Variants in SLIT3 observed in about 807,000 individuals in gnomAD.
The protein encoded by SLIT3 is slit guidance ligand 3, also known as slit homolog 3 protein.
Under a neutral mutation model 184.0 loss-of-function variants are expected in SLIT3, and 68 were observed. The ratio of observed to expected loss-of-function variants is 0.37; its 90% CI spans 0.30 to 0.45. SLIT3 has a LOEUF of 0.45. Ranked by LOEUF, SLIT3 falls within the 20% of genes least tolerant of loss-of-function variation. The probability of loss-of-function intolerance (pLI) is 1.00; values close to 1 mark genes in which losing one functional copy is unlikely to be tolerated. For missense variants in SLIT3, 1,707 were observed against 2,026.0 expected, an observed-to-expected ratio of 0.84 and a Z score of 3.02; for synonymous variants, 831 against 828.6, an observed-to-expected ratio of 1.00 and a Z score of -0.05.
At chr5:168,720,288 A>C (rs1336632960) in intron 23 of SLIT3, 2 of 152,256 alleles carry the variant, frequency 1.3e-5, no homozygotes, top group Non-Finnish European at 2.9e-5. Flanking sequence ...TGATGAACTC[A>C]TGGCAGTAGT....
chr5:169,189,530 AT>A (rs1242196935), intron 4 of SLIT3, among the ~76,000 whole-genome samples: 8 of 1,434 alleles, frequency 5.6e-3, no homozygotes, highest in Admixed American at 0.034. Context: ...TAGATGGGAT[AT>A]ATATATATAT....
intron 4 of SLIT3, among the ~76,000 whole-genome samples, chr5:169,133,894 A>AG (rs1252986338): frequency 6.6e-6 from 1 of 152,232 alleles, no homozygotes; most frequent in Admixed American, 6.5e-5. Flanking sequence ...GCATGGCATA[A>AG]TTACTGTTCC....
intron 32 of SLIT3, among the ~76,000 whole-genome samples, chr5:168,677,297 A>T (rs2113198727): frequency 6.6e-6 from 1 of 152,254 alleles, no homozygotes; most frequent in African/African-American, 2.4e-5. Context: ...TTAGTAAGAG[A>T]CAGGGGTCTT....
intron 5 of SLIT3, among the ~76,000 whole-genome samples, chr5:168,861,944 T>C (rs1386630064): frequency 2.0e-5 from 3 of 152,172 alleles, no homozygotes; most frequent in Non-Finnish European, 2.9e-5. Flanking sequence ...CTTTTAACAT[T>C]AGCAGCTGCT....
chr5:169,047,290 C>G (rs1191116688), intron 4 of SLIT3, among the ~76,000 whole-genome samples: 6 of 152,050 alleles, frequency 3.9e-5, no homozygotes, highest in Non-Finnish European at 5.9e-5. Flanking sequence ...CAGCTAAAAC[C>G]CTCATATTCA....
intron 3 of SLIT3, among the ~76,000 whole-genome samples, chr5:169,212,730 T>C (rs1309361210): frequency 6.6e-6 from 1 of 152,254 alleles, no homozygotes; most frequent in Non-Finnish European, 1.5e-5. Flanking sequence ...CTAAGTTTTC[T>C]TGCAGGGTTT....
At chr5:168,980,363 T>A (rs536633409) in intron 4 of SLIT3, among the ~76,000 whole-genome samples, 1 of 152,234 alleles carries the variant, frequency 6.6e-6, no homozygotes, top group East Asian at 1.9e-4. Flanking sequence ...GAAGGCTGCT[T>A]CCCACAGAAG....
chr5:169,017,047 A>G (rs905307561), intron 4 of SLIT3, among the ~76,000 whole-genome samples: 1 of 152,052 alleles, frequency 6.6e-6, no homozygotes, highest in African/African-American at 2.4e-5. Flanking sequence ...TTACTGCAGA[A>G]CTCTAGTATT....
Position 169,207,370 on chromosome 5 carries a change from T to TACACACAC in SLIT3, c.342-13828_342-13821dup, listed in dbSNP as rs56721949. Among the ~76,000 whole-genome samples the TACACACAC allele has an allele frequency of 1.5e-3, 194 of 131,894 alleles. 3 individuals carry two copies. Among genetic ancestry groups the TACACACAC allele is most frequent in the Middle Eastern group, 7.5e-3 (2 of 266 alleles). The allele number at this position is 131,894 out of a possible 152,430, so 86.5% of individuals were successfully genotyped here. A position where few individuals can be genotyped will look rare whatever the true frequency, so the allele number is the denominator to read the frequency against. On this transcript the variant is annotated intron_variant, in intron 3 of 35. Coordinates refer to ENST00000519560, the MANE Select transcript of SLIT3 (RefSeq NM_003062.4). ...TTTCTCTGTTTTACATACACATACA[T>TACACACAC]ACACACACACACACACACACACACA...
chr5:169,225,885 T>A (rs533669272), intron 3 of SLIT3, among the ~76,000 whole-genome samples: 317 of 152,282 alleles, frequency 2.1e-3, no homozygotes, highest in Non-Finnish European at 3.7e-3. Context: ...AAGCATAGTC[T>A]GTGTTTGGGA....
intron 3 of SLIT3, among the ~76,000 whole-genome samples, chr5:169,206,680 T>C (rs1398470676): frequency 6.6e-6 from 1 of 152,210 alleles, no homozygotes; most frequent in Non-Finnish European, 1.5e-5. Flanking sequence ...ACACTCAAAA[T>C]CTGCAAGATC....
At chr5:168,713,322 C>T (rs1762618664) in intron 23 of SLIT3, among the ~76,000 whole-genome samples, 1 of 152,174 alleles carries the variant, frequency 6.6e-6, no homozygotes, top group Non-Finnish European at 1.5e-5. Context: ...ACAGTGGTGC[C>T]ATATACTAAG....
intron 4 of SLIT3, among the ~76,000 whole-genome samples, chr5:168,978,458 C>T (rs1171893995): frequency 6.6e-6 from 1 of 152,176 alleles, no homozygotes; most frequent in African/African-American, 2.4e-5. Context: ...CTTTCTCCTC[C>T]TCCACCCTTT....
chr5:169,090,168 G>T (rs959054322), intron 4 of SLIT3, among the ~76,000 whole-genome samples: 10 of 152,182 alleles, frequency 6.6e-5, no homozygotes, highest in African/African-American at 2.4e-4. Flanking sequence ...CTGTCTGGCA[G>T]GAGATGAAAA....
In SLIT3 at chr5:168,935,353, C is replaced by T. The variant is rs1241874779; in HGVS notation, c.414-52017G>A. 2.0e-5 allele frequency among the ~76,000 whole-genome samples: 3 copies of T among 152,118 alleles called. No homozygotes were observed. The East Asian group carries it at 5.8e-4, about 29-fold the overall frequency. Reference sequence around the variant, plus strand: ...ACACTGTGCATTGAGGGCCTCTGGCCACACCCCCTCCAGGAAGCCTTCCCT... The same window carrying T: ...ACACTGTGCATTGAGGGCCTCTGGCTACACCCCCTCCAGGAAGCCTTCCCT... On this transcript the variant is annotated intron_variant, in intron 4 of 35. Transcript: ENST00000519560.
At chr5:168,760,750 A>C (rs1048247086) in intron 16 of SLIT3, 112 bp downstream of exon 16, 1 of 758,886 alleles carries the variant, frequency 1.3e-6, no homozygotes, top group Admixed American at 2.0e-5. Flanking sequence ...GAAGGCTGGG[A>C]GGGAGTGGAG....
At chr5:168,969,679 A>C (rs117562024) in intron 4 of SLIT3, among the ~76,000 whole-genome samples, 2,796 of 152,310 alleles carry the variant, frequency 0.018, 39 homozygotes, top group Middle Eastern at 0.031. Flanking sequence ...CAGCTTGATA[A>C]ATGGGAACGA....
chr5:168,709,252 C>T (rs1330256436), intron 25 of SLIT3, among the ~76,000 whole-genome samples: 1 of 152,030 alleles, frequency 6.6e-6, no homozygotes, highest in Non-Finnish European at 1.5e-5. Context: ...TGCGCCACCA[C>T]ACCTGGCTAA....
intron 6 of SLIT3, among the ~76,000 whole-genome samples, chr5:168,827,532 T>C (rs1757744974): frequency 6.6e-6 from 1 of 152,232 alleles, no homozygotes; most frequent in African/African-American, 2.4e-5. Flanking sequence ...CTCCACTTCC[T>C]GGGACCTTCC....
Sources: gnomAD v4.1 joint callset for allele counts (sites outside exome capture counted in the v4.1 genomes callset) on GRCh38, gnomAD v4.1.1 for gene constraint, MANE v1.5 for transcripts, NCBI Gene and HGNC (gene_info 2026-07-23, HGNC 2026-07-21) for gene names.